The following ADGRF1 variants were observed in gnomAD, a reference collection of about 807,000 sequenced individuals.
ADGRF1 encodes G protein-coupled receptor 110.
ADGRF1 carries 85 observed loss-of-function variants against 87.2 expected under a neutral mutation model. The ratio of observed to expected loss-of-function variants is 0.97; its 90% CI spans 0.82 to 1.17. ADGRF1 has a LOEUF of 1.17. Ranked by LOEUF, ADGRF1 falls within the 50% of genes most tolerant of loss-of-function variation. The pLI, the probability that ADGRF1 is intolerant of heterozygous loss-of-function variation, is 0.00. For synonymous variants in ADGRF1, 430 were observed against 408.8 expected (o/e 1.05, Z -0.63); for missense variants, 1,169 against 1,077.2 (o/e 1.09, Z -1.19).
intron 12 of ADGRF1, 36 bp from the exon 13 acceptor site, chr6:47,005,912 C>G (rs1348506134): frequency 7.4e-7 from 1 of 1,356,498 alleles, no homozygotes. Flanking sequence ...AGGAGATACA[C>G]ATACAATCAT....
intron 3 of ADGRF1, 143 bp from the exon 4 acceptor site, chr6:47,026,146 G>A: frequency 3.1e-6 from 2 of 647,148 alleles, no homozygotes; most frequent in South Asian, 2.4e-5. Context: ...ATCCAAACAT[G>A]GACTAACAAT....
intron 3 of ADGRF1, among the ~76,000 whole-genome samples, chr6:47,026,978 C>T (rs999729607): frequency 3.9e-5 from 6 of 152,160 alleles, no homozygotes; most frequent in African/African-American, 1.4e-4. Flanking sequence ...GATTTGAATC[C>T]TGGTCCCTGC....
intron 8 of ADGRF1, 46 bp from the exon 9 acceptor site, chr6:47,014,890 C>T (rs1779819281): frequency 3.2e-6 from 5 of 1,549,200 alleles, no homozygotes; most frequent in Non-Finnish European, 4.4e-6. Flanking sequence ...CTAGAATATC[C>T]TGGCACTCTA....
chr6:47,022,804 C>CTTTTTTTTTTTTTTTTTTT (rs11286179), intron 5 of ADGRF1, among the ~76,000 whole-genome samples: 2 of 119,274 alleles, frequency 1.7e-5, no homozygotes, highest in African/African-American at 6.8e-5. Context: ...TTTCTTTTTT[C>CTTTTTTTTTTTTTTTTTTT]TTTTTTTTTT....
Position 47,007,271 on chromosome 6 carries a change from TC to T in ADGRF1, c.2513del (p.Gly838GlufsTer19), listed in dbSNP as rs751432614. On this transcript the variant is annotated frameshift_variant, in exon 12 of 15. Transcript: ENST00000371253. LOFTEE classifies it high-confidence loss of function. Reference sequence around the variant, plus strand: ...CACATACCTTACTGTCCAAGAGTATTCCAAAGCATAAGATAAAAAATCCCTT... The same window carrying T: ...CACATACCTTACTGTCCAAGAGTATTCAAAGCATAAGATAAAAAATCCCTT... ...AFQGFFILCF[G>X]ILLDSKLRQL... The T allele has an allele frequency of 6.4e-7, 1 of 1,551,528 alleles. No homozygotes were observed. Among genetic ancestry groups the T allele is most frequent in the African/African-American group, 1.4e-5 (1 of 73,700 alleles).
chr6:47,008,469 G>C (rs1416778873), intron 11 of ADGRF1, among the ~76,000 whole-genome samples: 1 of 152,226 alleles, frequency 6.6e-6, no homozygotes, highest in East Asian at 1.9e-4. Flanking sequence ...AGCAGCCATA[G>C]ACCATATGTA....
intron 13 of ADGRF1, among the ~76,000 whole-genome samples, chr6:47,004,967 T>C (rs1470465554): frequency 6.6e-6 from 1 of 152,204 alleles, no homozygotes; most frequent in African/African-American, 2.4e-5. Context: ...AGGAAGACTT[T>C]TTAATGCCAG....
chr6:47,031,050 A>G (rs1400287505), intron 1 of ADGRF1, among the ~76,000 whole-genome samples: 1 of 152,194 alleles, frequency 6.6e-6, no homozygotes, highest in Non-Finnish European at 1.5e-5. Context: ...GGCATAAGCC[A>G]CCATGCCCGG....
At chr6:47,011,984 C>A in intron 10 of ADGRF1, 23 bp downstream of exon 10, 1 of 1,601,316 alleles carries the variant, frequency 6.2e-7, no homozygotes, top group African/African-American at 1.3e-5. Context: ...AAAGTGAGCC[C>A]TTCAAGCACA....
At chr6:47,012,671 C>T (rs867183933) in intron 9 of ADGRF1, 154 of 986,026 alleles carry the variant, frequency 1.6e-4, no homozygotes, top group Admixed American at 7.9e-4. Flanking sequence ...ATGTTCACCA[C>T]GCTACACTGA....
At chr6:47,020,688 C>T in intron 7 of ADGRF1, 43 bp downstream of exon 7, 1 of 1,596,570 alleles carries the variant, frequency 6.3e-7, no homozygotes, top group Non-Finnish European at 8.6e-7. Flanking sequence ...AGAACTGGTG[C>T]CCAATTCTGG....
At chr6:47,032,568 C>G (rs987377087) in intron 1 of ADGRF1, among the ~76,000 whole-genome samples, 2 of 152,198 alleles carry the variant, frequency 1.3e-5, no homozygotes, top group Non-Finnish European at 2.9e-5. Context: ...GCTGTACTAG[C>G]CAGGGTCCTG....
Position 47,012,151 on chromosome 6 carries a change from T to C in ADGRF1, c.972A>G (p.Ser324=). ...TGACAGAAAGATTTTGCACGAAGGA[T>C]GACACAGCTGCCTCAGTGGCATTGC... The part of the protein sequence containing the change: ...IVGNATEAAV[S]SFVQNLSVII... The change falls in exon 10 of 15, where the codon TCA becomes TCG. Residue 324 remains serine (S), a synonymous_variant. Coordinates refer to ENST00000371253, the MANE Select transcript of ADGRF1 (RefSeq NM_153840.4). 1 of 1,613,990 alleles carries C rather than the reference T, an allele frequency of 6.2e-7. No homozygotes were observed. The highest frequency in any genetic ancestry group is 8.5e-7 in the Non-Finnish European group (1 of 1,179,870).
At chr6:47,037,023 T>C (rs1364595303) in intron 1 of ADGRF1, among the ~76,000 whole-genome samples, 2 of 152,200 alleles carry the variant, frequency 1.3e-5, no homozygotes, top group Non-Finnish European at 2.9e-5. Flanking sequence ...AAAAGGAAAG[T>C]GCTGCTTCAA....
chr6:47,013,201 C>A (rs1369052656), intron 9 of ADGRF1: 2 of 985,396 alleles, frequency 2.0e-6, no homozygotes, highest in Non-Finnish European at 2.4e-6. Flanking sequence ...GCCCAAGTGC[C>A]CGCCATTTTC....
chr6:47,035,622 C>A (rs1780566409), intron 1 of ADGRF1, among the ~76,000 whole-genome samples: 1 of 152,070 alleles, frequency 6.6e-6, no homozygotes, highest in Admixed American at 6.5e-5. Context: ...TTAACTATTT[C>A]CCTAAATTTC....
intron 8 of ADGRF1, 105 bp downstream of exon 8, chr6:47,016,485 CTGTTTGTGCTGAAAGGCAGTTAGAGAA>C: frequency 1.0e-6 from 1 of 960,454 alleles, no homozygotes; most frequent in Non-Finnish European, 1.5e-6. Flanking sequence ...AAACAGCTGC[CTGTTTGTGCTGAAAGGCAGTTAGAGAA>C]CAATTCGTTA....
rs918197864 is a variant in ADGRF1 at position 47,020,670 on chromosome 6, C to T, written c.611+61G>A. Reference sequence around the variant, plus strand: ...AGGGTCACCTAAAAACAGCACTCTGCCTTTTGCAGAACTGGTGCCCAATTC... The same window carrying T: ...AGGGTCACCTAAAAACAGCACTCTGTCTTTTGCAGAACTGGTGCCCAATTC... On this transcript the variant is annotated intron_variant, in intron 7 of 14. Coordinates refer to ENST00000371253, the MANE Select transcript of ADGRF1 (RefSeq NM_153840.4). 3.6e-5 allele frequency: 57 copies of T among 1,595,354 alleles called. No individual in the cohort carries two copies. The Admixed American group carries it at 5.0e-4, about 14-fold the overall frequency.
intron 8 of ADGRF1, among the ~76,000 whole-genome samples, chr6:47,015,085 G>A (rs1010326523): frequency 6.6e-6 from 1 of 152,104 alleles, no homozygotes; most frequent in African/African-American, 2.4e-5. Flanking sequence ...TCCGATCTGT[G>A]CCAACAATAT....
Sources: allele counts gnomAD v4.1 joint callset (sites outside exome capture counted in the v4.1 genomes callset), GRCh38; gene constraint gnomAD v4.1.1; transcripts MANE v1.5; gene names NCBI Gene and HGNC (gene_info 2026-07-23, HGNC 2026-07-21).